The following IL1RAPL2 variants were observed in gnomAD, a reference collection of about 807,000 sequenced individuals.
IL1RAPL2 encodes X-linked interleukin-1 receptor accessory protein-like 2.
IL1RAPL2 carries 3 observed loss-of-function variants against 44.1 expected under a neutral mutation model. That is an observed-to-expected ratio of 0.07 (90% CI 0.03 to 0.18). The LOEUF is 0.18. IL1RAPL2 is among the 10% of genes least tolerant of loss of function. IL1RAPL2 has a pLI of 1.00. For missense variants in IL1RAPL2, 391 were observed against 496.4 expected, an observed-to-expected ratio of 0.79 and a Z score of 2.02; for synonymous variants, 181 against 178.8, an observed-to-expected ratio of 1.01 and a Z score of -0.10.
rs756836099 is a variant in IL1RAPL2 at position 105,042,238 on chromosome X, A to C, written c.83-153237A>C. ...CAAAATTGACAAATGGGATCTAATT[A>C]AACTAAAGAGCTTCTGCACAGCAAA... On this transcript the variant is annotated intron_variant, in intron 2 of 10. Transcript: ENST00000372582. Among the ~76,000 whole-genome samples, 7 of 108,824 alleles carry C rather than the reference A, an allele frequency of 6.4e-5. No individual in the cohort carries two copies. The South Asian group carries it at 2.8e-3, about 44-fold the overall frequency. The allele number at this position is 108,824 out of a possible 115,157, so 94.5% of individuals were successfully genotyped here. A position where few individuals can be genotyped will look rare whatever the true frequency, so the allele number is the denominator to read the frequency against.
intron 2 of IL1RAPL2, among the ~76,000 whole-genome samples, chrX:104,729,251 G>C (rs1310274238): frequency 4.5e-5 from 5 of 110,954 alleles, no homozygotes; most frequent in Non-Finnish European, 9.5e-5. Context: ...TATGCCAAAG[G>C]TATAGAAGCT....
chrX:105,292,896 A>G (rs888578311), intron 5 of IL1RAPL2, among the ~76,000 whole-genome samples: 4 of 109,625 alleles, frequency 3.6e-5, no homozygotes, highest in Admixed American at 9.8e-5. Flanking sequence ...GGCGGATCAC[A>G]AGGTCAGGAG....
At chrX:105,218,963 C>T (rs1556171877) in intron 3 of IL1RAPL2, 3 of 1,205,963 alleles carry the variant, frequency 2.5e-6, no homozygotes, top group Admixed American at 2.2e-5. Context: ...CATTTCTGCA[C>T]TCAATGAGGT....
At chrX:105,604,433 A>G (rs2037277960) in intron 6 of IL1RAPL2, among the ~76,000 whole-genome samples, 1 of 110,709 alleles carries the variant, frequency 9.0e-6, no homozygotes, top group Non-Finnish European at 1.9e-5. Context: ...CATACAACAT[A>G]CTAAGATTGA....
chrX:105,552,729 T>A (rs1054578089), intron 6 of IL1RAPL2, among the ~76,000 whole-genome samples: 4 of 111,872 alleles, frequency 3.6e-5, no homozygotes, highest in African/African-American at 1.3e-4. Flanking sequence ...TCTATTGTGT[T>A]AAGCCGTTGA....
intron 2 of IL1RAPL2, among the ~76,000 whole-genome samples, chrX:105,011,323 T>C (rs1393531119): frequency 2.7e-5 from 3 of 111,669 alleles, no homozygotes; most frequent in Admixed American, 1.9e-4. Flanking sequence ...CTGAAAAATG[T>C]TTCAGCTTTT....
chrX:105,017,801 A>G (rs141192784), intron 2 of IL1RAPL2, among the ~76,000 whole-genome samples: 1 of 111,471 alleles, frequency 9.0e-6, no homozygotes, highest in Non-Finnish European at 1.9e-5. Flanking sequence ...AGAAAAAACC[A>G]TAAAATAGAA....
intron 2 of IL1RAPL2, among the ~76,000 whole-genome samples, chrX:105,118,796 C>T (rs1428402999): frequency 1.8e-5 from 2 of 111,904 alleles, no homozygotes; most frequent in African/African-American, 3.2e-5. Context: ...TGAGCGTATT[C>T]GGAAATGTTC....
At chrX:105,583,226 C>G (rs144087446) in intron 6 of IL1RAPL2, among the ~76,000 whole-genome samples, 1,397 of 104,373 alleles carry the variant, frequency 0.013, 9 homozygotes, top group Non-Finnish European at 0.021. Context: ...CCTCCGTCTC[C>G]CAGGTTCAAG....
At chrX:105,648,647 T>A (rs553293598) in intron 6 of IL1RAPL2, among the ~76,000 whole-genome samples, 1 of 111,720 alleles carries the variant, frequency 9.0e-6, no homozygotes, top group Non-Finnish European at 1.9e-5. Context: ...ACTATTGCAT[T>A]GTAGAGTTTG....
intron 9 of IL1RAPL2, among the ~76,000 whole-genome samples, chrX:105,754,302 C>T (rs1389941940): frequency 1.8e-5 from 2 of 111,744 alleles, no homozygotes; most frequent in African/African-American, 6.5e-5. Flanking sequence ...CATCTAAAAC[C>T]TTCAGAAACT....
chrX:105,179,530 G>T (rs1316028084), intron 2 of IL1RAPL2, among the ~76,000 whole-genome samples: 1 of 111,975 alleles, frequency 8.9e-6, no homozygotes, highest in African/African-American at 3.2e-5. Flanking sequence ...TGTAAAGAAT[G>T]ATGTCAGTAT....
intron 5 of IL1RAPL2, chrX:105,406,982 A>G (rs1312239570): frequency 3.2e-5 from 35 of 1,097,940 alleles, no homozygotes; most frequent in Non-Finnish European, 3.9e-5. Flanking sequence ...AGAGGGTCCA[A>G]CGTGAAGGGA....
intron 5 of IL1RAPL2, among the ~76,000 whole-genome samples, chrX:105,438,389 A>T (rs1041517208): frequency 1.8e-5 from 2 of 108,221 alleles, no homozygotes; most frequent in Non-Finnish European, 3.8e-5. Context: ...AGAATCAGGG[A>T]TATTAAATCA....
At chrX:105,219,983 C>T in intron 3 of IL1RAPL2, 1 of 1,204,088 alleles carries the variant, frequency 8.3e-7, no homozygotes, top group Non-Finnish European at 1.1e-6. Flanking sequence ...TCTTTCTGCA[C>T]CTCCACGAGG....
rs1458866706 is a variant in IL1RAPL2 at position 105,724,083 on chromosome X, T to A, written c.902+6587T>A. Among the ~76,000 whole-genome samples the A allele has an allele frequency of 4.5e-5, 5 of 111,488 alleles. No homozygotes were observed. The Admixed American group carries it at 4.8e-4, about 11-fold the overall frequency. The stretch of plus-strand genomic sequence containing the variant: ...TGTGGAGAAGCTTCCCCAGAAGCAC[T>A]GGGTCTGGCAGGAGAACTAGCCCCT... On this transcript the variant is annotated intron_variant, in intron 7 of 10. Transcript: ENST00000372582.
intron 1 of IL1RAPL2, among the ~76,000 whole-genome samples, chrX:104,652,723 A>C (rs1187404492): frequency 8.9e-6 from 1 of 111,968 alleles, no homozygotes; most frequent in East Asian, 2.8e-4. Flanking sequence ...AGAGATTAGG[A>C]CAATGATAAA....
At chrX:105,189,351 G>A (rs782143997) in intron 2 of IL1RAPL2, among the ~76,000 whole-genome samples, 26 of 111,892 alleles carry the variant, frequency 2.3e-4, no homozygotes, top group African/African-American at 8.4e-4. Context: ...CAAGCGACTC[G>A]TGCCTCACCC....
intron 6 of IL1RAPL2, among the ~76,000 whole-genome samples, chrX:105,609,600 A>G (rs188332297): frequency 2.7e-4 from 30 of 112,060 alleles, no homozygotes; most frequent in African/African-American, 8.7e-4. Context: ...TCCTCAGTCC[A>G]GGAAAAATAC....
Sources: gnomAD v4.1 joint callset for allele counts (sites outside exome capture counted in the v4.1 genomes callset) on GRCh38, gnomAD v4.1.1 for gene constraint, MANE v1.5 for transcripts, NCBI Gene and HGNC (gene_info 2026-07-23, HGNC 2026-07-21) for gene names.